The following MIPOL1 variants were observed in gnomAD, a reference collection of about 807,000 sequenced individuals.
MIPOL1 encodes the protein mirror-image polydactyly 1.
Under a neutral mutation model 60.9 loss-of-function variants are expected in MIPOL1, and 57 were observed. That is an observed-to-expected ratio of 0.94 (90% CI 0.76 to 1.17). The LOEUF (loss-of-function observed/expected upper bound fraction) is 1.17. Ranked by LOEUF, MIPOL1 falls within the 50% of genes most tolerant of loss-of-function variation. The pLI is 0.00. For missense variants in MIPOL1, 551 were observed against 511.6 expected (o/e 1.08, Z -0.74); for synonymous variants, 179 against 168.8 (o/e 1.06, Z -0.47).
chr14:37,546,643 A>G (rs1409487017), intron 12 of MIPOL1, among the ~76,000 whole-genome samples: 2 of 151,734 alleles, frequency 1.3e-5, no homozygotes, highest in Non-Finnish European at 3.0e-5. Context: ...ATGTATTGAA[A>G]TAAGTGTCCT....
chr14:37,292,277 T>A (rs929698706), intron 7 of MIPOL1, among the ~76,000 whole-genome samples: 2 of 151,964 alleles, frequency 1.3e-5, no homozygotes, highest in Non-Finnish European at 2.9e-5. Flanking sequence ...AGCATTCAAA[T>A]CATAGCACGT....
At chr14:37,462,893 C>A (rs1159718984) in intron 11 of MIPOL1, among the ~76,000 whole-genome samples, 1 of 152,154 alleles carries the variant, frequency 6.6e-6, no homozygotes, top group African/African-American at 2.4e-5. Context: ...CAAACTTTCC[C>A]ATATTTTCCT....
chr14:37,358,214 C>T (rs976543487), intron 9 of MIPOL1, among the ~76,000 whole-genome samples: 1 of 152,064 alleles, frequency 6.6e-6, no homozygotes, highest in Non-Finnish European at 1.5e-5. Context: ...GTATATGTGC[C>T]ACATTTTCTT....
rs148541992 is a variant in MIPOL1, at chr14:37,389,946, A to C, written c.936+20322A>C. On this transcript the variant is annotated intron_variant, in intron 10 of 12. Transcript: ENST00000684589. ...CTGGGCACGGTGGCTCACACCTGTA[A>C]TCCCAATACTTTGGGAGGCCAAGAT... Among the ~76,000 whole-genome samples the C allele has an allele frequency of 3.7e-3, 569 of 152,132 alleles. 5 individuals carry two copies. The highest frequency in any genetic ancestry group is 5.6e-3 in the Non-Finnish European group (384 of 67,992).
chr14:37,244,046 G>T (rs1331859635), intron 1 of MIPOL1, among the ~76,000 whole-genome samples: 3 of 150,154 alleles, frequency 2.0e-5, no homozygotes, highest in Non-Finnish European at 4.4e-5. Flanking sequence ...AGAGAGAAGG[G>T]TGTGCAGTTT....
chr14:37,264,753 G>T (rs1476029387), intron 3 of MIPOL1, among the ~76,000 whole-genome samples: 1 of 152,134 alleles, frequency 6.6e-6, no homozygotes, highest in Non-Finnish European at 1.5e-5. Context: ...TTTCTTATGA[G>T]ACAAATTATT....
intron 10 of MIPOL1, among the ~76,000 whole-genome samples, chr14:37,392,657 T>G (rs2093276939): frequency 6.6e-6 from 1 of 152,192 alleles, no homozygotes; most frequent in African/African-American, 2.4e-5. Context: ...AGCTGTGGTT[T>G]TTTTGTAAAT....
intron 9 of MIPOL1, among the ~76,000 whole-genome samples, chr14:37,320,305 A>G (rs943672403): frequency 3.2e-4 from 48 of 152,202 alleles, no homozygotes; most frequent in African/African-American, 1.1e-3. Flanking sequence ...GAGAGTTAAT[A>G]CTTGGTATCA....
chr14:37,352,401 T>G (rs1222227646), intron 9 of MIPOL1, among the ~76,000 whole-genome samples: 2 of 12,154 alleles, frequency 1.6e-4, no homozygotes, highest in Admixed American at 1.3e-3. Context: ...CTTTTTTGGT[T>G]CCATATGAAC....
chr14:37,252,665 T>G (rs952921269), intron 3 of MIPOL1, among the ~76,000 whole-genome samples: 13 of 151,980 alleles, frequency 8.6e-5, no homozygotes, highest in African/African-American at 3.1e-4. Context: ...GATTCATTTA[T>G]CTTTCTCTCT....
At chr14:37,370,304 C>T (rs2092604067) in intron 10 of MIPOL1, among the ~76,000 whole-genome samples, 1 of 151,876 alleles carries the variant, frequency 6.6e-6, no homozygotes, top group South Asian at 2.1e-4. Flanking sequence ...TTATCTTTTG[C>T]CTAGTTCCCA....
intron 12 of MIPOL1, 127 bp downstream of exon 12, chr14:37,500,265 C>T (rs2153613432): frequency 1.3e-6 from 1 of 742,334 alleles, no homozygotes. Context: ...AGAATTAACC[C>T]AGTGAACTTT....
At chr14:37,308,173 A>G (rs113046805) in intron 8 of MIPOL1, 84 bp downstream of exon 8, 1 of 1,360,660 alleles carries the variant, frequency 7.3e-7, no homozygotes, top group Non-Finnish European at 1.0e-6. Context: ...TCAAGAACTA[A>G]GATGTGGGAA....
intron 10 of MIPOL1, among the ~76,000 whole-genome samples, chr14:37,381,682 A>G (rs2092928452): frequency 1.3e-5 from 2 of 151,936 alleles, no homozygotes; most frequent in Non-Finnish European, 1.5e-5. Context: ...TTCCAGGCTC[A>G]AGTGATCCTC....
At chr14:37,390,798 A>G (rs2153519725) in intron 10 of MIPOL1, among the ~76,000 whole-genome samples, 1 of 152,116 alleles carries the variant, frequency 6.6e-6, no homozygotes, top group Admixed American at 6.6e-5. Flanking sequence ...TCAAAACAGT[A>G]CAATATAGGT....
intron 11 of MIPOL1, among the ~76,000 whole-genome samples, chr14:37,446,701 T>A (rs541966589): frequency 1.2e-4 from 19 of 152,196 alleles, no homozygotes; most frequent in African/African-American, 4.3e-4. Context: ...TAGACTGGAT[T>A]AAGAAAATGT....
chr14:37,292,028 C>T (rs1051056719), intron 7 of MIPOL1, among the ~76,000 whole-genome samples: 1 of 149,356 alleles, frequency 6.7e-6, no homozygotes, highest in Admixed American at 6.7e-5. Flanking sequence ...CGGGTTCATG[C>T]CATTCTCCTG....
At chr14:37,420,628 C>G (rs764467743) in intron 10 of MIPOL1, among the ~76,000 whole-genome samples, 2 of 152,080 alleles carry the variant, frequency 1.3e-5, no homozygotes, top group Non-Finnish European at 2.9e-5. Context: ...TCAGACTAGC[C>G]TAAGTCACCC....
At chr14:37,238,778 C>A (rs1222510900) in intron 1 of MIPOL1, among the ~76,000 whole-genome samples, 2 of 145,426 alleles carry the variant, frequency 1.4e-5, no homozygotes, top group African/African-American at 2.6e-5. Flanking sequence ...GGTGAAACCC[C>A]ACTTCTACAA....
Sources: allele counts gnomAD v4.1 joint callset (sites outside exome capture counted in the v4.1 genomes callset), GRCh38; gene constraint gnomAD v4.1.1; transcripts MANE v1.5; gene names NCBI Gene and HGNC (gene_info 2026-07-23, HGNC 2026-07-21).